The following TNIP3 variants were observed in gnomAD, a reference collection of about 807,000 sequenced individuals.
TNIP3 encodes the protein TNFAIP3-interacting protein 3.
A neutral mutation model predicts 54.1 loss-of-function variants in TNIP3; 34 were observed. The observed-to-expected ratio is 0.63, with a 90% CI of 0.48 to 0.84. The LOEUF is 0.84. Ranked by LOEUF, TNIP3 falls within the 40% of genes least tolerant of loss-of-function variation. The pLI is 0.00. For synonymous variants in TNIP3, 134 were observed against 136.8 expected (o/e 0.98, Z 0.14); for missense variants, 366 against 387.6 (o/e 0.94, Z 0.47).
chr4:121,147,178 A>C lies in TNIP3; in HGVS notation c.610-4T>G, dbSNP rs1729483760. ...AGTCTTCTTCGTATATTTGCACCTA[A>C]GAAATATTAGCTTGCTGTTACTGTA... is the stretch of plus-strand genomic sequence containing the variant. On this transcript the variant is annotated splice_polypyrimidine_tract_variant and splice_region_variant and intron_variant, in intron 6 of 10. Transcript: ENST00000057513. The C allele has an allele frequency of 1.2e-6, 2 of 1,604,202 alleles. No homozygotes were observed. Among genetic ancestry groups the C allele is most frequent in the Admixed American group, 3.4e-5 (2 of 58,050 alleles).
At chr4:121,138,737 G>A in intron 9 of TNIP3, 53 bp from the exon 10 acceptor site, 1 of 1,500,048 alleles carries the variant, frequency 6.7e-7, no homozygotes, top group Non-Finnish European at 9.3e-7. Flanking sequence ...AAATATAGTG[G>A]CATGTCAAAA....
chr4:121,182,619 G>A (rs923373884), intron 3 of TNIP3: 2 of 1,518,930 alleles, frequency 1.3e-6, no homozygotes, highest in African/African-American at 2.8e-5. Context: ...AATTCTTCTT[G>A]ATGAATAAAC....
At chr4:121,157,022 T>C (rs1187517609) in intron 4 of TNIP3, 72 bp downstream of exon 4, 3 of 1,594,628 alleles carry the variant, frequency 1.9e-6, no homozygotes, top group Admixed American at 3.4e-5. Context: ...CGGTAGGTTT[T>C]CTACAGGAAA....
At chr4:121,194,842 A>C (rs1475418624) in intron 2 of TNIP3, among the ~76,000 whole-genome samples, 2 of 124,600 alleles carry the variant, frequency 1.6e-5, no homozygotes, top group African/African-American at 8.1e-5. Flanking sequence ...AATATCCATG[A>C]ACAATAGAAA....
intron 2 of TNIP3, among the ~76,000 whole-genome samples, chr4:121,213,234 C>T (rs190864442): frequency 4.6e-5 from 7 of 152,210 alleles, no homozygotes; most frequent in African/African-American, 7.2e-5. Context: ...TGATGGCATT[C>T]GATCCTGTTT....
chr4:121,142,569 G>T (rs143605751), intron 8 of TNIP3, among the ~76,000 whole-genome samples, 157 bp downstream of exon 8: 39 of 152,334 alleles, frequency 2.6e-4, no homozygotes, highest in African/African-American at 7.5e-4. Flanking sequence ...CCTTGGTGGT[G>T]CCTAAGCACT....
At chr4:121,155,310 A>C (rs1165579633) in intron 4 of TNIP3, among the ~76,000 whole-genome samples, 2 of 152,162 alleles carry the variant, frequency 1.3e-5, no homozygotes, top group African/African-American at 4.8e-5. Context: ...TCACTAGGTG[A>C]TGGATAAGTG....
upstream of TNIP3, among the ~76,000 whole-genome samples, chr4:121,166,046 T>C (rs1166486638): frequency 6.6e-6 from 1 of 152,222 alleles, no homozygotes; most frequent in Non-Finnish European, 1.5e-5. Flanking sequence ...GTGGTAACAT[T>C]GACCTAGAAA....
chr4:121,220,515 C>T (rs1726984629), upstream of TNIP3, among the ~76,000 whole-genome samples: 1 of 152,176 alleles, frequency 6.6e-6, no homozygotes, highest in Non-Finnish European at 1.5e-5. Flanking sequence ...CCCTCACCAT[C>T]ATCCAATTCA....
At chr4:121,171,151 T>C (rs1289653979) in intron 3 of TNIP3, among the ~76,000 whole-genome samples, 2 of 152,178 alleles carry the variant, frequency 1.3e-5, no homozygotes, top group Non-Finnish European at 2.9e-5. Flanking sequence ...AAGTTTGTCA[T>C]AGAATAAAAA....
At chr4:121,201,952 A>G (rs150384512) in intron 2 of TNIP3, among the ~76,000 whole-genome samples, 364 of 152,354 alleles carry the variant, frequency 2.4e-3, no homozygotes, top group African/African-American at 8.3e-3. Flanking sequence ...GTGGATGGGT[A>G]GAATCAATAT....
At chr4:121,174,151 A>G (rs1579440961) in intron 3 of TNIP3, among the ~76,000 whole-genome samples, 2 of 152,200 alleles carry the variant, frequency 1.3e-5, no homozygotes, top group African/African-American at 4.8e-5. Flanking sequence ...TGGATACTTC[A>G]GGTGAAAGAG....
At chr4:121,188,454 G>T (rs531908403) in intron 2 of TNIP3, among the ~76,000 whole-genome samples, 47 of 152,066 alleles carry the variant, frequency 3.1e-4, no homozygotes, top group Non-Finnish European at 3.1e-4. Flanking sequence ...GGTGTTTGGA[G>T]CCCTCATATT....
chr4:121,137,886 T>C (rs931208954), intron 10 of TNIP3: 2 of 452,906 alleles, frequency 4.4e-6, no homozygotes, highest in Non-Finnish European at 8.9e-6. Flanking sequence ...GTAGCAGACA[T>C]TTCTAACTTT....
At position 121,141,828 on chromosome 4, in the gene TNIP3, T is replaced by A; in HGVS notation, c.873A>T (p.Gln291His). Residue 291 changes from glutamine to histidine, a missense_variant, in exon 9 of 11, where the codon CAA becomes CAT. Physicochemically the swap from Gln to His is conservative, Grantham distance 24 (BLOSUM62 0). Transcript: ENST00000057513. ...CACTCTTACTTACTGGGTGCTCCCGTTGCTTCTGCACAGCTCCAGGGCCTG... is the reference window on the plus strand; with the variant it reads ...CACTCTTACTTACTGGGTGCTCCCGATGCTTCTGCACAGCTCCAGGGCCTG... ...VPTGPGAVQK[Q>H]REHPPDYQWY... 1 of 1,546,560 alleles carries A rather than the reference T, an allele frequency of 6.5e-7. No individual in the cohort carries two copies. The highest frequency in any genetic ancestry group is 1.2e-5 in the South Asian group (1 of 80,570).
chr4:121,164,893 T>C (rs1473496058), upstream of TNIP3, among the ~76,000 whole-genome samples: 3 of 152,208 alleles, frequency 2.0e-5, no homozygotes, highest in East Asian at 5.8e-4. Flanking sequence ...AATCTTCTCA[T>C]GGAGAATCAT....
Position 121,172,765 on chromosome 4 carries a change from C to A in TNIP3, c.190-8619G>T, listed in dbSNP as rs114747080. Among the ~76,000 whole-genome samples the A allele has an allele frequency of 8.3e-3, 1,259 of 152,140 alleles. 14 individuals carry two copies. Among genetic ancestry groups the A allele is most frequent in the Non-Finnish European group, 0.015 (988 of 68,016 alleles). On this transcript the variant is annotated intron_variant, in intron 3 of 12. Transcript: ENST00000507879. ...AGGGACAGGGGATAATTCTTGCATA[C>A]CACTGCACAGAAAATATAAATTGCC...
intron 3 of TNIP3, among the ~76,000 whole-genome samples, chr4:121,176,812 T>A (rs941867478): frequency 3.9e-5 from 6 of 152,178 alleles, no homozygotes. Flanking sequence ...TAAGTATATA[T>A]TAATCTCTGA....
intron 3 of TNIP3, among the ~76,000 whole-genome samples, chr4:121,174,850 C>T (rs970404468): frequency 1.3e-5 from 2 of 152,302 alleles, no homozygotes; most frequent in Non-Finnish European, 2.9e-5. Flanking sequence ...CACGAACATT[C>T]TTCAGCAAGA....
Sources: allele counts gnomAD v4.1 joint callset (sites outside exome capture counted in the v4.1 genomes callset), GRCh38; gene constraint gnomAD v4.1.1; transcripts MANE v1.5; gene names NCBI Gene and HGNC (gene_info 2026-07-23, HGNC 2026-07-21).